Variants in EVL observed in about 807,000 individuals in gnomAD.
EVL encodes the protein ena/VASP-like protein.
In EVL, 21 loss-of-function variants were observed where a neutral mutation model predicts 59.6. The ratio of observed to expected loss-of-function variants is 0.35; its 90% CI spans 0.25 to 0.51. The LOEUF (loss-of-function observed/expected upper bound fraction) is 0.51, where lower values mean the gene tolerates loss of function less well. Ranked by LOEUF, EVL falls within the 20% of genes least tolerant of loss-of-function variation. The pLI, the probability that EVL is intolerant of heterozygous loss-of-function variation, is 0.97. For missense variants in EVL, 462 were observed against 546.6 expected, an observed-to-expected ratio of 0.85 and a Z score of 1.54; for synonymous variants, 198 against 203.5, an observed-to-expected ratio of 0.97 and a Z score of 0.23.
At chr14:99,983,460 G>T (rs1290828088) in intron 1 of EVL, among the ~76,000 whole-genome samples, 1 of 152,118 alleles carries the variant, frequency 6.6e-6, no homozygotes, top group African/African-American at 2.4e-5. Context: ...AGCTCTAAAG[G>T]TGTGTTTCCT....
chr14:100,048,444 T>C (rs2061591145), intron 1 of EVL, among the ~76,000 whole-genome samples: 1 of 152,190 alleles, frequency 6.6e-6, no homozygotes, highest in African/African-American at 2.4e-5. Context: ...GGATATCATA[T>C]GCACTTACTA....
chr14:100,111,203 C>T (rs1886965138), intron 3 of EVL, among the ~76,000 whole-genome samples: 1 of 129,392 alleles, frequency 7.7e-6, no homozygotes, highest in Admixed American at 9.7e-5. Context: ...GTTGCCCAGG[C>T]CGGAGTGCAG....
intron 1 of EVL, among the ~76,000 whole-genome samples, chr14:100,005,845 G>GA (rs34697726): frequency 5.3e-5 from 8 of 151,652 alleles, no homozygotes; most frequent in Non-Finnish European, 1.0e-4. Context: ...TGTCCCGGTG[G>GA]AAAAAAAAGA....
At chr14:100,101,178 C>T (rs532571355) in intron 3 of EVL, among the ~76,000 whole-genome samples, 1 of 151,896 alleles carries the variant, frequency 6.6e-6, no homozygotes, top group Non-Finnish European at 1.5e-5. Flanking sequence ...TGGCCAACCT[C>T]GTCTCTACTA....
chr14:100,092,790 G>A (rs2062592795), intron 2 of EVL, among the ~76,000 whole-genome samples: 1 of 152,096 alleles, frequency 6.6e-6, no homozygotes, highest in African/African-American at 2.4e-5. Flanking sequence ...GCGGTAACAT[G>A]GTGAATCTCA....
At chr14:100,009,854 G>C (rs1488514683) in intron 1 of EVL, among the ~76,000 whole-genome samples, 1 of 152,270 alleles carries the variant, frequency 6.6e-6, no homozygotes, top group East Asian at 1.9e-4. Flanking sequence ...CTCAAAGCAG[G>C]GGCTTCCAGG....
chr14:100,065,939 G>A (rs1240966126), intron 1 of EVL, among the ~76,000 whole-genome samples: 1 of 152,148 alleles, frequency 6.6e-6, no homozygotes, highest in East Asian at 1.9e-4. Context: ...TTCTTTTTAT[G>A]ATAGGAACTT....
chr14:100,116,465 C>T (rs1047153148), intron 3 of EVL, among the ~76,000 whole-genome samples: 1 of 152,216 alleles, frequency 6.6e-6, no homozygotes, highest in East Asian at 1.9e-4. Context: ...AAACTGAGCC[C>T]ATCCCTTCCA....
chr14:100,028,979 G>A (rs576160584), intron 1 of EVL, among the ~76,000 whole-genome samples: 1 of 152,210 alleles, frequency 6.6e-6, no homozygotes, highest in Admixed American at 6.5e-5. Context: ...CTCACATATA[G>A]CAAAAGGACT....
chr14:100,077,857 C>T (rs375417976), intron 1 of EVL, among the ~76,000 whole-genome samples: 3 of 152,346 alleles, frequency 2.0e-5, no homozygotes, highest in East Asian at 1.9e-4. Context: ...ACTGCAAGCT[C>T]TGCCTCCCGG....
At chr14:100,103,017 G>A (rs999881416) in intron 3 of EVL, among the ~76,000 whole-genome samples, 7 of 150,602 alleles carry the variant, frequency 4.6e-5, no homozygotes, top group South Asian at 2.1e-4. Context: ...CAGGAGAATC[G>A]CTTGAACCCG....
chr14:100,056,098 C>G (rs1286613222), intron 1 of EVL, among the ~76,000 whole-genome samples: 2 of 151,852 alleles, frequency 1.3e-5, no homozygotes, highest in Non-Finnish European at 2.9e-5. Context: ...GCGTGAGCCA[C>G]CGCGCCTGGC....
At chr14:100,015,232 C>A (rs975805371) in intron 1 of EVL, among the ~76,000 whole-genome samples, 4 of 152,170 alleles carry the variant, frequency 2.6e-5, no homozygotes, top group African/African-American at 9.7e-5. Context: ...ACTAACAAAT[C>A]ATAAATTCCT....
At chr14:100,016,527 C>CA (rs1191913012) in intron 1 of EVL, among the ~76,000 whole-genome samples, 1 of 150,456 alleles carries the variant, frequency 6.6e-6, no homozygotes, top group Non-Finnish European at 1.5e-5. Flanking sequence ...GACTCCGGCT[C>CA]AAAAAACAAA....
intron 11 of EVL, chr14:100,139,939 G>A (rs989231848): frequency 1.3e-5 from 2 of 152,242 alleles, no homozygotes; most frequent in Non-Finnish European, 2.9e-5. Context: ...ATCTTCCAGG[G>A]AAGATGCATG....
chr14:100,118,049 T>TA (rs1887462209), intron 3 of EVL, among the ~76,000 whole-genome samples: 1 of 152,124 alleles, frequency 6.6e-6, no homozygotes, highest in Non-Finnish European at 1.5e-5. Context: ...TCCATGGAGT[T>TA]AAAGTCAGGC....
intron 1 of EVL, among the ~76,000 whole-genome samples, chr14:100,057,388 CG>C (rs2061751026): frequency 6.6e-6 from 1 of 152,146 alleles, no homozygotes; most frequent in Non-Finnish European, 1.5e-5. Flanking sequence ...CAGCTGACAT[CG>C]GGGTTTCTTT....
At position 100,114,159 on chromosome 14, in the gene EVL, C is replaced by T. The variant is rs72711950; in HGVS notation, c.359-9380C>T. Among the ~76,000 whole-genome samples, 2,583 of 107,436 alleles carry T rather than the reference C, an allele frequency of 0.024. 29 individuals carry two copies. Among genetic ancestry groups the T allele is most frequent in the Non-Finnish European group, 0.035 (1,589 of 45,580 alleles). The allele number at this position is 107,436 out of a possible 152,430, so 70.5% of individuals were successfully genotyped here. ...TCATGGAGTCCAGCAAGGAGCGAAG[C>T]GAAGGAGGGCCGGGGGGGAATCAAA... On this transcript the variant is annotated intron_variant, in intron 3 of 13. Coordinates refer to ENST00000392920, the MANE Select transcript of EVL (RefSeq NM_016337.3). This position sits in a 1 kb window ranked among gnomAD's most constrained non-coding sequence, Gnocchi z 5.0.
intron 11 of EVL, 167 bp from the exon 12 acceptor site, chr14:100,141,013 G>A (rs1023327502): frequency 8.7e-6 from 5 of 574,618 alleles, no homozygotes; most frequent in African/African-American, 7.7e-5. Flanking sequence ...AGGTGGAGAC[G>A]GGCGTTAAAT....
Sources: allele counts gnomAD v4.1 joint callset (sites outside exome capture counted in the v4.1 genomes callset), GRCh38; gene constraint gnomAD v4.1.1; non-coding constraint Gnocchi (gnomAD v3.1); transcripts MANE v1.5; gene names NCBI Gene and HGNC (gene_info 2026-07-23, HGNC 2026-07-21).